The following SLAMF6 variants were observed in gnomAD, a reference collection of about 807,000 sequenced individuals.
SLAMF6 encodes the protein SLAM family member 6, also known as NK-T-B-antigen.
In SLAMF6, 21 loss-of-function variants were observed where a neutral mutation model predicts 38.3. The observed-to-expected ratio is 0.55, with a 90% confidence interval of 0.39 to 0.79. The LOEUF is 0.79. Ranked by LOEUF, SLAMF6 falls within the 30% of genes least tolerant of loss-of-function variation. The pLI is 0.00. For missense variants in SLAMF6, 341 were observed against 385.3 expected (o/e 0.89, Z 0.96); for synonymous variants, 152 against 146.3 (o/e 1.04, Z -0.28).
intron 1 of SLAMF6, among the ~76,000 whole-genome samples, chr1:160,508,450 A>G (rs1196002140): frequency 6.6e-6 from 1 of 152,250 alleles, no homozygotes; most frequent in Non-Finnish European, 1.5e-5. Context: ...AAAACTGGCT[A>G]GCCATATGTA....
At chr1:160,510,371 A>G (rs981435673) in intron 1 of SLAMF6, among the ~76,000 whole-genome samples, 1 of 152,184 alleles carries the variant, frequency 6.6e-6, no homozygotes, top group African/African-American at 2.4e-5. Flanking sequence ...AATCCAGCTC[A>G]TATTAAAGGG....
intron 1 of SLAMF6, among the ~76,000 whole-genome samples, chr1:160,512,492 T>A (rs1654525064): frequency 6.6e-6 from 1 of 152,178 alleles, no homozygotes; most frequent in Admixed American, 6.5e-5. Flanking sequence ...AGCACATCCT[T>A]TCTGCCAAGG....
At chr1:160,507,569 C>T (rs1654254440) in intron 1 of SLAMF6, among the ~76,000 whole-genome samples, 1 of 151,654 alleles carries the variant, frequency 6.6e-6, no homozygotes, top group Non-Finnish European at 1.5e-5. Context: ...ACACTACATC[C>T]AAACACAACA....
intron 1 of SLAMF6, among the ~76,000 whole-genome samples, chr1:160,504,356 A>G (rs918775875): frequency 3.3e-5 from 5 of 152,206 alleles, no homozygotes; most frequent in Non-Finnish European, 4.4e-5. Flanking sequence ...CACTGCATAT[A>G]TCAAAATGTC....
At chr1:160,505,813 T>A (rs576491462) in intron 1 of SLAMF6, among the ~76,000 whole-genome samples, 116 of 152,020 alleles carry the variant, frequency 7.6e-4, no homozygotes, top group South Asian at 5.0e-3. Flanking sequence ...AAGATAGAAA[T>A]AATAACAAGG....
At chr1:160,520,078 A>T (rs1654917154) in intron 1 of SLAMF6, among the ~76,000 whole-genome samples, 1 of 152,168 alleles carries the variant, frequency 6.6e-6, no homozygotes, top group Non-Finnish European at 1.5e-5. Context: ...CACGTGTCTG[A>T]GGATAATGAA....
At chr1:160,514,377 G>A (rs920986569) in intron 1 of SLAMF6, among the ~76,000 whole-genome samples, 17 of 152,144 alleles carry the variant, frequency 1.1e-4, no homozygotes, top group African/African-American at 4.1e-4. Flanking sequence ...AGACGTACAA[G>A]GAGATGTAGA....
chr1:160,515,097 A>G (rs529497100), intron 1 of SLAMF6, among the ~76,000 whole-genome samples: 1 of 152,212 alleles, frequency 6.6e-6, no homozygotes, highest in South Asian at 2.1e-4. Context: ...AATAATATAG[A>G]TAGACTGCTA....
chr1:160,498,687 A>G (rs1266329711), intron 1 of SLAMF6, among the ~76,000 whole-genome samples: 1 of 152,084 alleles, frequency 6.6e-6, no homozygotes, highest in African/African-American at 2.4e-5. Flanking sequence ...TGGGGACACA[A>G]TCAAACCATA....
At chr1:160,489,661 T>C (rs138732175) in intron 5 of SLAMF6, among the ~76,000 whole-genome samples, 15 of 152,198 alleles carry the variant, frequency 9.9e-5, no homozygotes, top group Non-Finnish European at 1.9e-4. Context: ...GCAACTCAAA[T>C]GCACGTCTTC....
At chr1:160,496,470 G>A (rs1311092281) in intron 1 of SLAMF6, 77 bp from the exon 2 acceptor site, 10 of 1,427,926 alleles carry the variant, frequency 7.0e-6, no homozygotes, top group Admixed American at 5.6e-5. Flanking sequence ...TTCACCTAAC[G>A]CTGCCAGTCT....
chr1:160,496,071 C>A lies in SLAMF6; in HGVS notation c.372G>T (p.Leu124=). The stretch of plus-strand genomic sequence containing the variant: ...CATATTTTGACTTACTTAATATCCT[C>A]AGAGTGTAACTGGACAGCTTTGCAG... ...KTSAKLSSYT[L]RILRQLRNIQ... The change falls in exon 2 of 8, where the codon CTG becomes CTT. Residue 124 remains leucine (L), a synonymous_variant. Transcript: ENST00000368057. 2 of 1,611,284 alleles carry A rather than the reference C, an allele frequency of 1.2e-6. No homozygotes were observed. The highest frequency in any genetic ancestry group is 2.2e-5 in the South Asian group (2 of 90,870).
intron 1 of SLAMF6, among the ~76,000 whole-genome samples, chr1:160,503,013 A>T (rs774612172): frequency 2.0e-5 from 3 of 152,176 alleles, no homozygotes; most frequent in Non-Finnish European, 4.4e-5. Context: ...GAGTATTCAA[A>T]ACGGTGTCAT....
chr1:160,501,039 G>A (rs1449875402), intron 1 of SLAMF6, among the ~76,000 whole-genome samples: 1 of 152,208 alleles, frequency 6.6e-6, no homozygotes, highest in African/African-American at 2.4e-5. Context: ...CATTAAAGGA[G>A]TGCCCCAAAA....
intron 1 of SLAMF6, among the ~76,000 whole-genome samples, chr1:160,519,095 A>G (rs1654872979): frequency 6.6e-6 from 1 of 152,134 alleles, no homozygotes; most frequent in Non-Finnish European, 1.5e-5. Flanking sequence ...TGTATAAACA[A>G]CTCTTATAAC....
chr1:160,490,516 C>T, intron 4 of SLAMF6, 59 bp downstream of exon 4: 1 of 1,586,970 alleles, frequency 6.3e-7, no homozygotes, highest in Non-Finnish European at 8.5e-7. Flanking sequence ...ATCAGAGGCC[C>T]CAAACTCTCA....
In SLAMF6 at chr1:160,487,173, T is replaced by A; in HGVS notation, c.882A>T (p.Glu294Asp). Residue 294 changes from glutamate (E) to aspartate (D), a missense_variant and splice_region_variant, in exon 7 of 8, where the codon GAA becomes GAT. Transcript: ENST00000368057. ...TTTCTCTAGGTGTCCAGATTTCTGTTTCCTGTAAAAAGAATCATACCAATT... is the reference window on the plus strand; with the variant it reads ...TTTCTCTAGGTGTCCAGATTTCTGTATCCTGTAAAAAGAATCATACCAATT... ...VYASVTHSNR[E>D]TEIWTPREND... 1 of 1,612,812 alleles carries A rather than the reference T, an allele frequency of 6.2e-7. No homozygotes were observed.
intron 1 of SLAMF6, among the ~76,000 whole-genome samples, chr1:160,500,243 CA>C (rs1285573162): frequency 6.6e-6 from 1 of 152,204 alleles, no homozygotes; most frequent in African/African-American, 2.4e-5. Flanking sequence ...AAAGTTAAAA[CA>C]GTAACAAAAG....
At chr1:160,502,313 A>T (rs1372538616) in intron 1 of SLAMF6, among the ~76,000 whole-genome samples, 1 of 152,180 alleles carries the variant, frequency 6.6e-6, no homozygotes, top group Non-Finnish European at 1.5e-5. Flanking sequence ...GACTCATGGG[A>T]AGCTTTCCTT....
Sources: allele counts gnomAD v4.1 joint callset (sites outside exome capture counted in the v4.1 genomes callset), GRCh38; gene constraint gnomAD v4.1.1; transcripts MANE v1.5; gene names NCBI Gene and HGNC (gene_info 2026-07-23, HGNC 2026-07-21).